SLC35F5: variants seen among roughly 807,000 people sequenced by gnomAD.
SLC35F5 encodes solute carrier family 35 member F5.
Under a neutral mutation model 68.6 loss-of-function variants are expected in SLC35F5, and 54 were observed. The observed-to-expected ratio is 0.79, with a 90% CI of 0.63 to 0.99. The LOEUF (loss-of-function observed/expected upper bound fraction) is 0.99, where lower values mean the gene tolerates loss of function less well. SLC35F5 is among the 50% of genes least tolerant of loss of function. The probability of loss-of-function intolerance (pLI) is 0.00; values close to 1 mark genes in which losing one functional copy is unlikely to be tolerated. For missense variants in SLC35F5, 567 were observed against 626.9 expected, an observed-to-expected ratio of 0.90 and a Z score of 1.02; for synonymous variants, 211 against 205.2, an observed-to-expected ratio of 1.03 and a Z score of -0.24.
intron 7 of SLC35F5, 136 bp downstream of exon 7, chr2:113,742,556 G>C: frequency 1.2e-6 from 1 of 813,800 alleles, no homozygotes; most frequent in Non-Finnish European, 1.9e-6. Flanking sequence ...CTTCCTACCG[G>C]TATCAAATAG....
At chr2:113,722,192 C>T (rs1349779860) in intron 13 of SLC35F5, among the ~76,000 whole-genome samples, 1 of 152,026 alleles carries the variant, frequency 6.6e-6, no homozygotes, top group Non-Finnish European at 1.5e-5. Context: ...CCAGGCTGGT[C>T]TCGAACTCCT....
At chr2:113,746,934 A>G (rs1676512401) in intron 4 of SLC35F5, among the ~76,000 whole-genome samples, 1 of 151,818 alleles carries the variant, frequency 6.6e-6, no homozygotes, top group African/African-American at 2.4e-5. Flanking sequence ...AAAAAGAAAA[A>G]AAAAAAAAAA....
chr2:113,719,121 A>G lies in SLC35F5; in HGVS notation c.1496+33T>C, dbSNP rs1006071616. The stretch of plus-strand genomic sequence containing the variant: ...AATTCTCAGTTATCTAGCAAACACT[A>G]TTTTTAAAAATGTGTATTGGGACTA... On this transcript the variant is annotated intron_variant, in intron 14 of 15. Coordinates refer to ENST00000245680, the MANE Select transcript of SLC35F5 (RefSeq NM_025181.5). The G allele has an allele frequency of 3.8e-6, 6 of 1,579,438 alleles. No individual in the cohort carries two copies. In the African/African-American group the frequency reaches 8.3e-5, roughly 22 times the overall value.
intron 2 of SLC35F5, 36 bp from the exon 3 acceptor site, chr2:113,755,342 AT>A (rs1676930762): frequency 1.9e-6 from 3 of 1,608,790 alleles, no homozygotes; most frequent in Non-Finnish European, 2.6e-6. Context: ...ATTAGAGATG[AT>A]TTTAGAAAAA....
intron 7 of SLC35F5, 143 bp downstream of exon 7, chr2:113,742,549 C>T: frequency 1.3e-6 from 1 of 757,200 alleles, no homozygotes; most frequent in Non-Finnish European, 2.1e-6. Flanking sequence ...ACCCTAACTT[C>T]CTACCGGTAT....
Position 113,750,694 on chromosome 2 carries a change from C to T in SLC35F5, c.274-126G>A, listed in dbSNP as rs899514808. 8.6e-6 allele frequency: 7 copies of T among 811,558 alleles called. No homozygotes were observed. The African/African-American group carries it at 8.9e-5, about 10-fold the overall frequency. 50.3% of individuals were successfully genotyped at this position (811,558 alleles called of 1,614,324 possible). A position where few individuals can be genotyped will look rare whatever the true frequency, so the allele number is the denominator to read the frequency against. On this transcript the variant is annotated intron_variant, in intron 3 of 15. Transcript: ENST00000245680. ...TTCACTTGGAAAGAAAAAGTCAAAG[C>T]GATTACAAAAGTATTTTAGATCCAT...
chr2:113,755,395 G>T lies in SLC35F5; in HGVS notation c.131+59C>A, dbSNP rs1333758607. The stretch of plus-strand genomic sequence containing the variant: ...GAACATTAGTATAACAGAAACATTT[G>T]ACTTTTGTTAGCTAATGTTCAGTGT... On this transcript the variant is annotated intron_variant, in intron 2 of 15. Transcript: ENST00000245680. 10 of 1,605,376 alleles carry T rather than the reference G, an allele frequency of 6.2e-6. No individual in the cohort carries two copies. The South Asian group carries it at 8.8e-5, about 14-fold the overall frequency.
In SLC35F5 at chr2:113,756,624, C is replaced by A. The variant is rs1559375255; in HGVS notation, c.-215G>T. On this transcript the variant is annotated 5_prime_UTR_variant, in exon 1 of 16. Coordinates refer to ENST00000245680, the MANE Select transcript of SLC35F5 (RefSeq NM_025181.5). ...AAGGGACGGCACAGTCAGCTATGGC[C>A]GCGGAGGCCCGGAGATCTGCTCTGG... 1.1e-5 allele frequency: 14 copies of A among 1,299,158 alleles called. No individual in the cohort carries two copies. The East Asian group carries it at 3.4e-4, about 32-fold the overall frequency. The allele number at this position is 1,299,158 out of a possible 1,614,324, so 80.5% of individuals were successfully genotyped here.
rs1686830640 is a variant in SLC35F5 at position 113,707,482 on chromosome 2, G to A, written c.*7736C>T. On this transcript the variant is annotated 3_prime_UTR_variant, in exon 16 of 16. Coordinates refer to ENST00000245680, the MANE Select transcript of SLC35F5 (RefSeq NM_025181.5). ...ATTTACTAGGATGACTGCAAAGAAA[G>A]GCAAATTAAATATACCTGGTCCCAT... is the stretch of plus-strand genomic sequence containing the variant. Among the ~76,000 whole-genome samples the A allele has an allele frequency of 6.6e-6, 1 of 152,150 alleles. No individual in the cohort carries two copies. Among genetic ancestry groups the A allele is most frequent in the Admixed American group, 6.5e-5 (1 of 15,282 alleles).
At chr2:113,733,166 T>A (rs1687961188) in intron 9 of SLC35F5, among the ~76,000 whole-genome samples, 1 of 152,214 alleles carries the variant, frequency 6.6e-6, no homozygotes, top group African/African-American at 2.4e-5. Flanking sequence ...TTTAGGCTTC[T>A]GGGCCACATG....
chr2:113,751,882 G>T (rs1676757854), intron 3 of SLC35F5, among the ~76,000 whole-genome samples: 1 of 151,816 alleles, frequency 6.6e-6, no homozygotes, highest in African/African-American at 2.4e-5. Context: ...GTACAAGATG[G>T]GCCCAGGGCA....
chr2:113,725,720 C>A (rs1687636309), intron 11 of SLC35F5, 183 bp from the exon 12 acceptor site: 1 of 466,946 alleles, frequency 2.1e-6, no homozygotes, highest in Non-Finnish European at 3.8e-6. Context: ...GAAAAAAAAA[C>A]TGTCTGAAGC....
At chr2:113,750,622 C>T (rs1676698439) in intron 3 of SLC35F5, 54 bp from the exon 4 acceptor site, 2 of 1,408,624 alleles carry the variant, frequency 1.4e-6, no homozygotes, top group East Asian at 2.5e-5. Flanking sequence ...AACCTTATTA[C>T]TCATCTCCAA....
At position 113,756,378 on chromosome 2, in the gene SLC35F5, C is replaced by T. The variant is rs776157522; in HGVS notation, c.32G>A (p.Gly11Glu). Residue 11 changes from glycine (G) to glutamate (E), a missense_variant, in exon 1 of 16, where the codon GGA becomes GAA. Transcript: ENST00000245680. ...CTTCCCTGCCTGCCTACCTGGCCTT[C>T]CTGCCCCGCGATGGCGTCGTGGCGG... The part of the protein sequence containing the change: MVPPRRHRGA[G>E]RPGVLSSSPP... The T allele has an allele frequency of 6.4e-7, 1 of 1,570,732 alleles. No individual in the cohort carries two copies. The highest frequency in any genetic ancestry group is 1.2e-5 in the South Asian group (1 of 85,634).
rs570383042 is a variant in SLC35F5, at chr2:113,707,060, A to G, written c.*8158T>C. ...AATTTTAAATACTCTAGAATCTGAAAATATTAAATATTAAATAGATGGAGG... is the reference window on the plus strand; with the variant it reads ...AATTTTAAATACTCTAGAATCTGAAGATATTAAATATTAAATAGATGGAGG... On this transcript the variant is annotated 3_prime_UTR_variant, in exon 16 of 16. Coordinates refer to ENST00000245680, the MANE Select transcript of SLC35F5 (RefSeq NM_025181.5). 6.6e-6 allele frequency among the ~76,000 whole-genome samples: 1 copy of G among 152,292 alleles called. No individual in the cohort carries two copies. Among genetic ancestry groups the G allele is most frequent in the East Asian group, 1.9e-4 (1 of 5,194 alleles).
In SLC35F5 at chr2:113,711,738, C is replaced by T. The variant is rs984359724; in HGVS notation, c.*3480G>A. On this transcript the variant is annotated 3_prime_UTR_variant, in exon 16 of 16. Transcript: ENST00000245680. ...TGTTACAGGTAATTATTTCTGTTAA[C>T]TCCTCCTAAAATATTATTTAGTAAT... 2.6e-5 allele frequency among the ~76,000 whole-genome samples: 4 copies of T among 152,144 alleles called. No homozygotes were observed. Among genetic ancestry groups the T allele is most frequent in the African/African-American group, 9.7e-5 (4 of 41,428 alleles).
chr2:113,742,555 G>A (rs1676317833), intron 7 of SLC35F5, 137 bp downstream of exon 7: 12 of 805,984 alleles, frequency 1.5e-5, no homozygotes, highest in Middle Eastern at 3.7e-4. Context: ...ACTTCCTACC[G>A]GTATCAAATA....
At chr2:113,742,937 C>T in intron 6 of SLC35F5, 58 bp from the exon 7 acceptor site, 1 of 1,508,844 alleles carries the variant, frequency 6.6e-7, no homozygotes, top group African/African-American at 1.4e-5. Context: ...ACAAAAGTCA[C>T]AAGTTTTAAT....
At chr2:113,750,907 G>A (rs112595608) in intron 3 of SLC35F5, among the ~76,000 whole-genome samples, 5 of 152,248 alleles carry the variant, frequency 3.3e-5, no homozygotes, top group African/African-American at 9.6e-5. Context: ...CACGTGGGGA[G>A]ACCAAGACAG....
Sources: gnomAD v4.1 joint callset for allele counts (sites outside exome capture counted in the v4.1 genomes callset) on GRCh38, gnomAD v4.1.1 for gene constraint, MANE v1.5 for transcripts, NCBI Gene and HGNC (gene_info 2026-07-23, HGNC 2026-07-21) for gene names.